The following FRMD4B variants were observed in gnomAD, a reference collection of about 807,000 sequenced individuals.
The protein encoded by FRMD4B is FERM domain containing 4B.
Under a neutral mutation model 141.5 loss-of-function variants are expected in FRMD4B, and 74 were observed. The ratio of observed to expected loss-of-function variants is 0.52; its 90% CI spans 0.43 to 0.63. The LOEUF is 0.63. Among genes scored for constraint, FRMD4B ranks in the 30% least tolerant of loss-of-function variants. FRMD4B has a pLI of 0.00. For synonymous variants in FRMD4B, 506 were observed against 467.9 expected (o/e 1.08, Z -1.05); for missense variants, 1,366 against 1,253.4 (o/e 1.09, Z -1.36).
chr3:69,333,134 G>A (rs1373933800), intron 1 of FRMD4B, among the ~76,000 whole-genome samples: 1 of 152,070 alleles, frequency 6.6e-6, no homozygotes, highest in African/African-American at 2.4e-5. Flanking sequence ...CTGCCTCGAT[G>A]GCTCAGCCTG....
chr3:69,207,741 G>A (rs2093037591), intron 11 of FRMD4B, among the ~76,000 whole-genome samples: 1 of 151,984 alleles, frequency 6.6e-6, no homozygotes, highest in Admixed American at 6.5e-5. Context: ...TTGGGAAGCA[G>A]AGGTTGCTGT....
intron 5 of FRMD4B, among the ~76,000 whole-genome samples, chr3:69,282,719 C>A (rs1261758939): frequency 1.3e-5 from 2 of 152,098 alleles, no homozygotes; most frequent in African/African-American, 4.8e-5. Flanking sequence ...CTCACTGCAA[C>A]CTCTGCCTTC....
In FRMD4B at chr3:69,385,997, C is replaced by T; in HGVS notation, c.-8G>A. 4.4e-6 allele frequency: 7 copies of T among 1,576,980 alleles called. No individual in the cohort carries two copies. The highest frequency in any genetic ancestry group is 6.0e-6 in the Non-Finnish European group (7 of 1,157,920). ...CATGAACACCGAAGCCATGCCTCCTCCTTCGCTCTGAACCCGGGCGTCCCG... is the reference window on the plus strand; with the variant it reads ...CATGAACACCGAAGCCATGCCTCCTTCTTCGCTCTGAACCCGGGCGTCCCG... On this transcript the variant is annotated 5_prime_UTR_variant, in exon 1 of 23. Coordinates refer to ENST00000398540, the MANE Select transcript of FRMD4B (RefSeq NM_015123.3).
At chr3:69,288,043 T>C (rs1295586731) in intron 4 of FRMD4B, among the ~76,000 whole-genome samples, 2 of 152,248 alleles carry the variant, frequency 1.3e-5, no homozygotes, top group Non-Finnish European at 2.9e-5. Flanking sequence ...TCAGGATGTT[T>C]TTGTGTCTTG....
At chr3:69,195,421 T>C (rs562318924) in intron 14 of FRMD4B, 57 bp from the exon 15 acceptor site, 10 of 1,438,802 alleles carry the variant, frequency 7.0e-6, no homozygotes, top group Non-Finnish European at 9.4e-6. Context: ...CCTTCCTTTC[T>C]AAGGGACAAA....
intron 17 of FRMD4B, among the ~76,000 whole-genome samples, chr3:69,192,434 G>C (rs4508787): frequency 0.82 from 125,056 of 152,098 alleles, 55,106 homozygotes; most frequent in Non-Finnish European, 0.99. Flanking sequence ...CAATTTCATA[G>C]ATGTTAAAAT....
Position 69,284,420 on chromosome 3 carries a change from A to C in FRMD4B, c.501+3332T>G, listed in dbSNP as rs778303893. On this transcript the variant is annotated intron_variant, in intron 5 of 22. Coordinates refer to ENST00000398540, the MANE Select transcript of FRMD4B (RefSeq NM_015123.3). ...CCTATTCCCACCAGCCAGAATAAAA[A>C]ACTCATAATTCATGGGGCATTGAAT... 4.9e-4 allele frequency among the ~76,000 whole-genome samples: 75 copies of C among 152,246 alleles called. 1 individual carries two copies. Among genetic ancestry groups the C allele is most frequent in the Non-Finnish European group, 3.4e-4 (23 of 68,014 alleles).
chr3:69,501,031 A>G (rs1173400221), intron 1 of FRMD4B, among the ~76,000 whole-genome samples: 4 of 152,176 alleles, frequency 2.6e-5, no homozygotes, highest in African/African-American at 9.7e-5. Flanking sequence ...GTAGTTTAAG[A>G]CACAATTATA....
chr3:69,316,948 G>A (rs955985419), intron 1 of FRMD4B, among the ~76,000 whole-genome samples: 8 of 151,964 alleles, frequency 5.3e-5, no homozygotes, highest in African/African-American at 9.7e-5. Context: ...ATGGTGAAAC[G>A]CTGTCTCTAC....
intron 1 of FRMD4B, among the ~76,000 whole-genome samples, chr3:69,524,863 C>A (rs1700909602): frequency 6.6e-6 from 1 of 152,168 alleles, no homozygotes; most frequent in African/African-American, 2.4e-5. Context: ...CCAGACAAAA[C>A]TAAAAGGTGT....
intron 1 of FRMD4B, among the ~76,000 whole-genome samples, chr3:69,348,990 A>T (rs1341729506): frequency 6.6e-6 from 1 of 152,210 alleles, no homozygotes; most frequent in Non-Finnish European, 1.5e-5. Context: ...CAGGCAGGAG[A>T]AAGAAATAAA....
intron 1 of FRMD4B, among the ~76,000 whole-genome samples, chr3:69,443,419 A>G (rs955741132): frequency 6.6e-6 from 1 of 152,094 alleles, no homozygotes; most frequent in Non-Finnish European, 1.5e-5. Flanking sequence ...TATCTTTTCT[A>G]ATGAACTGGT....
chr3:69,238,982 T>A (rs951815161), intron 7 of FRMD4B, among the ~76,000 whole-genome samples: 2 of 152,196 alleles, frequency 1.3e-5, no homozygotes. Context: ...AAAAAATTGC[T>A]CGTTGTTCAT....
chr3:69,470,663 T>A (rs6801293), intron 1 of FRMD4B, among the ~76,000 whole-genome samples: 95,767 of 152,030 alleles, frequency 0.63, 31,293 homozygotes, highest in African/African-American at 0.81. Flanking sequence ...AAGTTATCTC[T>A]GCAGCTGTAG....
chr3:69,266,597 A>G (rs2093563464), intron 5 of FRMD4B, among the ~76,000 whole-genome samples: 1 of 152,210 alleles, frequency 6.6e-6, no homozygotes, highest in Non-Finnish European at 1.5e-5. Context: ...AAGTGCTGGG[A>G]TTACAGGCAT....
chr3:69,355,121 T>C (rs765638803), intron 1 of FRMD4B, among the ~76,000 whole-genome samples: 2 of 151,948 alleles, frequency 1.3e-5, no homozygotes, highest in African/African-American at 2.4e-5. Flanking sequence ...TGGGCAGAAG[T>C]GGAGATGCTG....
chr3:69,541,026 C>T (rs147467764), intron 1 of FRMD4B: 31 of 152,322 alleles, frequency 2.0e-4, no homozygotes, highest in African/African-American at 7.5e-4. Flanking sequence ...TTTTCTTCCC[C>T]TCTAGACATT....
chr3:69,204,206 C>T (rs72930257), intron 11 of FRMD4B, among the ~76,000 whole-genome samples: 1,749 of 152,246 alleles, frequency 0.011, 33 homozygotes, highest in East Asian at 0.074. Context: ...GAGAAGTATG[C>T]ACCTGCCACG....
chr3:69,425,147 T>C (rs1428048016), intron 2 of FRMD4B, among the ~76,000 whole-genome samples: 1 of 152,206 alleles, frequency 6.6e-6, no homozygotes, highest in East Asian at 1.9e-4. Context: ...TTAATTTATA[T>C]AGTATTTCCA....
Sources: allele counts gnomAD v4.1 joint callset (sites outside exome capture counted in the v4.1 genomes callset), GRCh38; gene constraint gnomAD v4.1.1; transcripts MANE v1.5; gene names NCBI Gene and HGNC (gene_info 2026-07-23, HGNC 2026-07-21).